Variants in SCN3B observed in about 807,000 individuals in gnomAD.
SCN3B encodes sodium channel regulatory subunit beta-3.
Under a neutral mutation model 25.4 loss-of-function variants are expected in SCN3B, and 11 were observed. That is an observed-to-expected ratio of 0.43 (90% CI 0.27 to 0.72). The LOEUF (loss-of-function observed/expected upper bound fraction) is 0.72. Among genes scored for constraint, SCN3B ranks in the 30% least tolerant of loss-of-function variants. The probability of loss-of-function intolerance (pLI) is 0.18; values close to 1 mark genes in which losing one functional copy is unlikely to be tolerated. For missense variants in SCN3B, 218 were observed against 278.3 expected (o/e 0.78, Z 1.54); for synonymous variants, 109 against 110.7 (o/e 0.99, Z 0.09).
intron 3 of SCN3B, among the ~76,000 whole-genome samples, chr11:123,644,804 T>G (rs1249928972): frequency 2.8e-3 from 96 of 34,694 alleles, no homozygotes; most frequent in African/African-American, 0.014. Flanking sequence ...AGAGAGAATA[T>G]ATATATATAT....
At position 123,653,762 on chromosome 11, in the gene SCN3B, C is replaced by CGA; in HGVS notation, c.38_39dup (p.Val14SerfsTer29). The CGA allele has an allele frequency of 6.2e-7, 1 of 1,614,212 alleles. No individual in the cohort carries two copies. The highest frequency in any genetic ancestry group is 1.7e-5 in the Admixed American group (1 of 60,020). On this transcript the variant is annotated frameshift_variant, in exon 2 of 7. Transcript: ENST00000299333. LOFTEE classifies it high-confidence loss of function. The stretch of plus-strand genomic sequence containing the variant: ...TGGTACTTACCCCAGTAGATAAGCA[C>CGA]GAGAGAAGCCAGGGGAAACAATCTA...
Position 123,642,142 on chromosome 11 carries a change from G to C in SCN3B, c.445+304C>G, listed in dbSNP as rs1452651042. 6.6e-6 allele frequency among the ~76,000 whole-genome samples: 1 copy of C among 152,190 alleles called. No individual in the cohort carries two copies. Among genetic ancestry groups the C allele is most frequent in the Admixed American group, 6.5e-5 (1 of 15,290 alleles). ...ATAGGCCAAAGAAGAAGGCCTAGCT[G>C]AATCAGTAGCTTTAGGCCTCATGGA... On this transcript the variant is annotated intron_variant, in intron 4 of 6. Transcript: ENST00000299333. The surrounding 1 kb of genome is among the most constrained non-coding windows in gnomAD (Gnocchi z 4.3).
chr11:123,646,755 T>C (rs947841764), intron 2 of SCN3B, among the ~76,000 whole-genome samples: 1 of 152,184 alleles, frequency 6.6e-6, no homozygotes, highest in Non-Finnish European at 1.5e-5. Context: ...CAGCAAAACA[T>C]GCGCAAATGT....
chr11:123,638,618 C>T, intron 4 of SCN3B: 1 of 437,234 alleles, frequency 2.3e-6, no homozygotes, highest in Non-Finnish European at 4.3e-6. Flanking sequence ...TTGCTATTTA[C>T]AGGTGTGTAA....
Position 123,630,622 on chromosome 11 carries a change from C to T in SCN3B, c.*3177G>A, listed in dbSNP as rs1284308346. On this transcript the variant is annotated 3_prime_UTR_variant, in exon 7 of 7. Transcript: ENST00000299333. ...GGAAGTAGGCTGGTGATCACAGTAC[C>T]TTATTGATTTACAGTCATTATCAAA... 2.0e-5 allele frequency: 3 copies of T among 152,416 alleles called. No individual in the cohort carries two copies. In the South Asian group the frequency reaches 6.2e-4, roughly 32 times the overall value. 9.4% of individuals were successfully genotyped at this position (152,416 alleles called of 1,614,324 possible). A position where few individuals can be genotyped will look rare whatever the true frequency, so the allele number is the denominator to read the frequency against.
Position 123,645,691 on chromosome 11 carries a change from TGC to T in SCN3B, c.113_114del (p.Gly38GlufsTer32). The T allele has an allele frequency of 6.2e-7, 1 of 1,614,188 alleles. No homozygotes were observed. The highest frequency in any genetic ancestry group is 1.3e-5 in the African/African-American group (1 of 75,050). On this transcript the variant is annotated frameshift_variant, in exon 3 of 7. Coordinates refer to ENST00000299333, the MANE Select transcript of SCN3B (RefSeq NM_001040151.2). LOFTEE classifies it high-confidence loss of function. ...GAGATGCAGCGCAGCTTCATGGGGT[TGC>T]CCTGCACGGCCTCCGTCTCCGAGGG... Reference protein sequence around the residue: ...EVPSETEAVQGNPMKLRCISC... With the variant: ...EVPSETEAVQXNPMKLRCISC...
chr11:123,649,628 T>C, intron 2 of SCN3B, among the ~76,000 whole-genome samples: 7 of 142,096 alleles, frequency 4.9e-5, no homozygotes, highest in Non-Finnish European at 3.0e-5. Context: ...CTTTCTTTTT[T>C]CTTTCTTTCT....
intron 3 of SCN3B, 66 bp downstream of exon 3, chr11:123,645,521 T>C (rs1955844571): frequency 6.5e-7 from 1 of 1,548,054 alleles, no homozygotes; most frequent in African/African-American, 1.4e-5. Context: ...CCCCGGACTG[T>C]CAGGAGCCAG....
rs756696934 is a variant in SCN3B, at chr11:123,653,750, A to G, written c.52T>C (p.Trp18Arg). Residue 18 changes from tryptophan (W) to arginine (R), a missense_variant, in exon 2 of 7, where the codon TGG (tryptophan) becomes CGG (arginine). Transcript: ENST00000299333. ...FPLASLVLIY[W>R]VSVCFPVCVE... ...ATGGCGAGGTGCTGGTACTTACCCC[A>G]GTAGATAAGCACGAGAGAAGCCAGG... is the stretch of plus-strand genomic sequence containing the variant. The G allele has an allele frequency of 6.2e-7, 1 of 1,614,236 alleles. No homozygotes were observed. The highest frequency in any genetic ancestry group is 8.5e-7 in the Non-Finnish European group (1 of 1,180,034).
At chr11:123,645,454 GC>G in intron 3 of SCN3B, 132 bp downstream of exon 3, 1 of 978,872 alleles carries the variant, frequency 1.0e-6, no homozygotes. Flanking sequence ...TCAGTTATCT[GC>G]TGAGGATCTG....
intron 4 of SCN3B, chr11:123,639,796 A>G (rs1244819638): frequency 6.6e-6 from 1 of 152,222 alleles, no homozygotes; most frequent in Non-Finnish European, 1.5e-5. Context: ...TGCTGTATAA[A>G]TCTTAGAATA....
At position 123,631,471 on chromosome 11, in the gene SCN3B, G is replaced by A. The variant is rs1330641811; in HGVS notation, c.*2328C>T. 6.6e-6 allele frequency: 1 copy of A among 152,188 alleles called. No homozygotes were observed. Among genetic ancestry groups the A allele is most frequent in the African/African-American group, 2.4e-5 (1 of 41,446 alleles). The allele number at this position is 152,188 out of a possible 1,614,324, so 9.4% of individuals were successfully genotyped here. On this transcript the variant is annotated 3_prime_UTR_variant, in exon 7 of 7. Coordinates refer to ENST00000299333, the MANE Select transcript of SCN3B (RefSeq NM_001040151.2). ...GGATTGTGTGGAAAATTACCAATAA[G>A]AAGAGTCTTGAATTTATTGCAAATA...
At chr11:123,637,182 A>G (rs964099851) in intron 5 of SCN3B, among the ~76,000 whole-genome samples, 6 of 152,124 alleles carry the variant, frequency 3.9e-5, no homozygotes, top group African/African-American at 1.4e-4. Flanking sequence ...GCTCACCCTC[A>G]AGTGACTAGA....
intron 3 of SCN3B, among the ~76,000 whole-genome samples, chr11:123,644,796 AGAGAATATATATATATATATAT>A (rs1459838844): frequency 2.1e-4 from 11 of 53,472 alleles, no homozygotes; most frequent in South Asian, 6.3e-4. Context: ...AGAGAGAGAG[AGAGAATATATATATATATATAT>A]ATATATATAT....
chr11:123,653,978 C>G, intron 1 of SCN3B, 152 bp from the exon 2 acceptor site: 4 of 694,992 alleles, frequency 5.8e-6, no homozygotes, highest in Admixed American at 2.4e-5. Context: ...CTTTTGGAGC[C>G]GGGTGGGGGC....
At chr11:123,640,148 C>A (rs77381819) in intron 4 of SCN3B, 1 of 152,230 alleles carries the variant, frequency 6.6e-6, no homozygotes, top group Non-Finnish European at 1.5e-5. Context: ...ATAGATGCAG[C>A]GTGAGGCACA....
At chr11:123,645,982 G>C (rs962139307) in intron 2 of SCN3B, among the ~76,000 whole-genome samples, 1 of 152,114 alleles carries the variant, frequency 6.6e-6, no homozygotes, top group Non-Finnish European at 1.5e-5. Flanking sequence ...GACATTGACT[G>C]AAATCCTTCC....
intron 1 of SCN3B, 61 bp from the exon 2 acceptor site, chr11:123,653,887 C>A: frequency 2.0e-6 from 3 of 1,503,654 alleles, no homozygotes; most frequent in Non-Finnish European, 2.8e-6. Context: ...CGAGGAAACC[C>A]TTTGGGACGA....
intron 5 of SCN3B, among the ~76,000 whole-genome samples, chr11:123,637,302 C>A (rs1011427627): frequency 2.0e-5 from 3 of 152,248 alleles, no homozygotes; most frequent in Middle Eastern, 3.4e-3. Context: ...TTGCTTGGAG[C>A]TCCTTTGCTA....
Sources: allele counts gnomAD v4.1 joint callset (sites outside exome capture counted in the v4.1 genomes callset), GRCh38; gene constraint gnomAD v4.1.1; non-coding constraint Gnocchi (gnomAD v3.1); transcripts MANE v1.5; gene names NCBI Gene and HGNC (gene_info 2026-07-23, HGNC 2026-07-21).